The following FNDC7 variants were observed in gnomAD, a reference collection of about 807,000 sequenced individuals.
FNDC7 encodes fibronectin type III domain containing 7.
Under a neutral mutation model 74.2 loss-of-function variants are expected in FNDC7, and 66 were observed. That is an observed-to-expected ratio of 0.89 (90% CI 0.73 to 1.09). The LOEUF is 1.09. Among genes scored for constraint, FNDC7 ranks in the 50% least tolerant of loss-of-function variants. The probability of loss-of-function intolerance (pLI) is 0.00; values close to 1 mark genes in which losing one functional copy is unlikely to be tolerated. For synonymous variants in FNDC7, 307 were observed against 330.2 expected (o/e 0.93, Z 0.76); for missense variants, 829 against 893.4 (o/e 0.93, Z 0.92).
chr1:108,727,705 G>A, intron 6 of FNDC7, 103 bp from the exon 7 acceptor site: 2 of 1,388,166 alleles, frequency 1.4e-6, no homozygotes, highest in Non-Finnish European at 2.0e-6. Context: ...TCATCAGGGA[G>A]GGCAGTGGCA....
At chr1:108,716,323 GT>G (rs1660974073) in intron 2 of FNDC7, among the ~76,000 whole-genome samples, 112 of 35,842 alleles carry the variant, frequency 3.1e-3, no homozygotes, top group African/African-American at 0.01. Flanking sequence ...GAAGAGAGGT[GT>G]GTGTGTGTGT....
intron 2 of FNDC7, among the ~76,000 whole-genome samples, chr1:108,714,885 G>C (rs1283589900): frequency 6.6e-6 from 1 of 151,932 alleles, no homozygotes; most frequent in Non-Finnish European, 1.5e-5. Context: ...GAGCCACCGC[G>C]CCCGGCCGGC....
chr1:108,737,449 C>T, intron 10 of FNDC7, 46 bp from the exon 11 acceptor site: 2 of 1,485,866 alleles, frequency 1.3e-6, no homozygotes, highest in South Asian at 2.4e-5. Flanking sequence ...ATCTTAAATA[C>T]ATAAATGAAT....
chr1:108,712,909 C>T lies in FNDC7; in HGVS notation c.-25C>T, dbSNP rs763683320. On this transcript the variant is annotated 5_prime_UTR_variant, in exon 1 of 13. Coordinates refer to ENST00000370017, the MANE Select transcript of FNDC7 (RefSeq NM_001144937.3). Reference sequence around the variant, plus strand: ...AGGACCCGGATTGCTTTGTTTTGTGCCATGTGAGTACTATGTCCAACAGGA... The same window carrying T: ...AGGACCCGGATTGCTTTGTTTTGTGTCATGTGAGTACTATGTCCAACAGGA... 6.5e-7 allele frequency: 1 copy of T among 1,548,954 alleles called. No individual in the cohort carries two copies. The highest frequency in any genetic ancestry group is 1.2e-5 in the South Asian group (1 of 83,916).
At chr1:108,741,677 C>T (rs1661651368) in intron 11 of FNDC7, 96 bp from the exon 12 acceptor site, 5 of 1,264,432 alleles carry the variant, frequency 4.0e-6, no homozygotes, top group Non-Finnish European at 5.7e-6. Flanking sequence ...CATTTCAAAT[C>T]AACATACACA....
chr1:108,713,481 G>A (rs947929587), intron 1 of FNDC7, 30 bp from the exon 2 acceptor site: 3 of 1,546,108 alleles, frequency 1.9e-6, no homozygotes, highest in South Asian at 1.2e-5. Context: ...TTTTCTGTGT[G>A]GTTCTAATTT....
At chr1:108,730,361 C>CAAAA (rs748626022) in intron 8 of FNDC7, among the ~76,000 whole-genome samples, 51 of 117,364 alleles carry the variant, frequency 4.3e-4, no homozygotes, top group South Asian at 8.4e-4. Context: ...ATCTCCTTCT[C>CAAAA]AAAAAAAAAA....
chr1:108,740,029 T>TA lies in FNDC7; in HGVS notation c.2171-1723dup, dbSNP rs34183498. On this transcript the variant is annotated intron_variant, in intron 11 of 12. Coordinates refer to ENST00000370017, the MANE Select transcript of FNDC7 (RefSeq NM_001144937.3). ...CCCCCTGCCCTCAACGCCATCTCTC[T>TA]AAAAAAAAAAAAAAAAAAAAATCCC... Among the ~76,000 whole-genome samples, 701 of 109,208 alleles carry TA rather than the reference T, an allele frequency of 6.4e-3. 10 individuals are homozygous for TA. The highest frequency in any genetic ancestry group is 0.018 in the East Asian group (59 of 3,360). The allele number at this position is 109,208 out of a possible 152,430, so 71.6% of individuals were successfully genotyped here. A position where few individuals can be genotyped will look rare whatever the true frequency, so the allele number is the denominator to read the frequency against.
At chr1:108,718,170 T>A in intron 3 of FNDC7, 139 bp downstream of exon 3, 1 of 1,166,150 alleles carries the variant, frequency 8.6e-7, no homozygotes, top group Non-Finnish European at 1.2e-6. Flanking sequence ...AGCTACCAAA[T>A]GATGCTGTTT....
chr1:108,720,524 T>G (rs1472665021), intron 4 of FNDC7, among the ~76,000 whole-genome samples: 37 of 152,334 alleles, frequency 2.4e-4, no homozygotes, highest in Non-Finnish European at 1.5e-5. Flanking sequence ...AGTTTAGATT[T>G]CACCTCTGGA....
At chr1:108,736,082 A>G (rs1661507660) in intron 10 of FNDC7, among the ~76,000 whole-genome samples, 1 of 152,226 alleles carries the variant, frequency 6.6e-6, no homozygotes, top group Non-Finnish European at 1.5e-5. Flanking sequence ...AGCTGAGATT[A>G]CAGGCATAAG....
In FNDC7 at chr1:108,742,715, A is replaced by T. The variant is rs1661678462; in HGVS notation, c.*828A>T. ...TTTTCATCTTTGGAGGGGGAAGGCA[A>T]TGAAATATAACATAAATCTCTCATA... On this transcript the variant is annotated 3_prime_UTR_variant, in exon 13 of 13. Coordinates refer to ENST00000370017, the MANE Select transcript of FNDC7 (RefSeq NM_001144937.3). 2 of 152,206 alleles carry T rather than the reference A, an allele frequency of 1.3e-5. No homozygotes were observed. The highest frequency in any genetic ancestry group is 4.1e-4 in the South Asian group (2 of 4,832). The allele number at this position is 152,206 out of a possible 1,614,324, so 9.4% of individuals were successfully genotyped here. A position where few individuals can be genotyped will look rare whatever the true frequency, so the allele number is the denominator to read the frequency against.
intron 1 of FNDC7, 119 bp downstream of exon 1, chr1:108,713,115 T>C (rs1034613826): frequency 4.5e-5 from 41 of 908,888 alleles, no homozygotes; most frequent in Non-Finnish European, 6.2e-5. Context: ...CAGAATACTT[T>C]GGTTTGTACC....
At position 108,725,996 on chromosome 1, in the gene FNDC7, A is replaced by T. The variant is rs1001233561; in HGVS notation, c.1103A>T (p.Tyr368Phe). ...GQSPLGDIFN[Y>F]TTAPCCPSDI... ...AGTCCTTTGGGTGACATATTCAATT[A>T]TACCACAGGTAAGTCCCATTTGATG... Residue 368 changes from tyrosine (Y) to phenylalanine (F), a missense_variant, in exon 6 of 13, where the codon TAT (tyrosine) becomes TTT (phenylalanine). Tyr to Phe is a conservative substitution (Grantham distance 22). Transcript: ENST00000370017. The T allele has an allele frequency of 3.1e-6, 5 of 1,614,194 alleles. No individual in the cohort carries two copies. Among genetic ancestry groups the T allele is most frequent in the Non-Finnish European group, 4.2e-6 (5 of 1,180,012 alleles).
In FNDC7 at chr1:108,727,992, C is replaced by A. The variant is rs757220342; in HGVS notation, c.1296C>A (p.Tyr432Ter). The A allele has an allele frequency of 2.5e-6, 4 of 1,614,150 alleles. No individual in the cohort carries two copies. The South Asian group carries it at 4.4e-5, about 18-fold the overall frequency. ...CGGCTCTAGAGTGTGACACCAAGTACAACATCACAGTGTATTCATTCAATG... is the reference window on the plus strand; with the variant it reads ...CGGCTCTAGAGTGTGACACCAAGTAAAACATCACAGTGTATTCATTCAATG... ...TLSALECDTK[Y>*]NITVYSFNEV... is the part of the protein sequence containing the mutation. The change falls in exon 7 of 13, where the codon TAC (tyrosine) becomes TAA (stop). Residue 432 changes from tyrosine to a stop codon, truncating the protein, a stop_gained. Coordinates refer to ENST00000370017, the MANE Select transcript of FNDC7 (RefSeq NM_001144937.3). LOFTEE classifies it high-confidence loss of function.
Position 108,733,241 on chromosome 1 carries a change from T to G in FNDC7, c.1880-31T>G, listed in dbSNP as rs1235417059. 3.1e-6 allele frequency: 5 copies of G among 1,593,130 alleles called. No individual in the cohort carries two copies. The East Asian group carries it at 9.0e-5, about 29-fold the overall frequency. ...TTGGATGATGGTGGAATAAAACAAG[T>G]GATTTTGTGTTTGTTATTTTTATTG... On this transcript the variant is annotated intron_variant, in intron 9 of 12. Transcript: ENST00000370017.
In FNDC7 at chr1:108,733,742, C is replaced by T. The variant is rs147302090; in HGVS notation, c.2140+210C>T. On this transcript the variant is annotated intron_variant, in intron 10 of 12. Coordinates refer to ENST00000370017, the MANE Select transcript of FNDC7 (RefSeq NM_001144937.3). The stretch of plus-strand genomic sequence containing the variant: ...CTTGGCTCACTGCAACCTCCACCTC[C>T]CAGGGTCAAGCAATTCTCCTGCCTC... Among the ~76,000 whole-genome samples, 1,377 of 151,368 alleles carry T rather than the reference C, an allele frequency of 9.1e-3. 23 individuals are homozygous for T. The highest frequency in any genetic ancestry group is 0.032 in the African/African-American group (1,313 of 41,080).
Position 108,717,976 on chromosome 1 carries a change from A to G in FNDC7, c.282A>G (p.Arg94=), listed in dbSNP as rs373983020. Residue 94 remains arginine (R), a synonymous_variant, in exon 3 of 13, where the codon AGA becomes AGG. Transcript: ENST00000370017. ...KAATWYEITI[R]SISAAGRSQA... The stretch of plus-strand genomic sequence containing the variant: ...CAACCTGGTATGAAATCACCATCAG[A>G]TCCATCAGCGCTGCTGGGAGAAGCC... The G allele has an allele frequency of 5.5e-5, 85 of 1,551,634 alleles. No homozygotes were observed. Among genetic ancestry groups the G allele is most frequent in the Non-Finnish European group, 7.1e-5 (81 of 1,147,018 alleles).
At chr1:108,733,649 C>CT (rs397981150) in intron 10 of FNDC7, 117 bp downstream of exon 10, 36,666 of 608,586 alleles carry the variant, frequency 0.06, 768 homozygotes, top group African/African-American at 0.15. Context: ...AAATTTCTTT[C>CT]TTTTTTTTTT....
Sources: allele counts gnomAD v4.1 joint callset (sites outside exome capture counted in the v4.1 genomes callset), GRCh38; gene constraint gnomAD v4.1.1; transcripts MANE v1.5; gene names NCBI Gene and HGNC (gene_info 2026-07-23, HGNC 2026-07-21).